MAD1L1: variants seen among roughly 807,000 people sequenced by gnomAD.
MAD1L1 encodes mitotic arrest deficient 1 like 1.
MAD1L1 carries 95 observed loss-of-function variants against 96.9 expected under a neutral mutation model. The observed-to-expected ratio is 0.98, with a 90% CI of 0.83 to 1.16. The LOEUF (loss-of-function observed/expected upper bound fraction) is 1.16. Among genes scored for constraint, MAD1L1 ranks in the 50% most tolerant of loss-of-function variants. The pLI, the probability that MAD1L1 is intolerant of heterozygous loss-of-function variation, is 0.00. For missense variants in MAD1L1, 1,007 were observed against 954.4 expected (o/e 1.06, Z -0.73); for synonymous variants, 473 against 396.6 (o/e 1.19, Z -2.29).
intron 16 of MAD1L1, among the ~76,000 whole-genome samples, chr7:1,942,869 T>C (rs1475410217): frequency 6.6e-6 from 1 of 152,168 alleles, no homozygotes; most frequent in Non-Finnish European, 1.5e-5. Context: ...CTCAGTCTCC[T>C]GATTTCAAAA....
chr7:2,162,832 A>G (rs1203886600), intron 10 of MAD1L1, among the ~76,000 whole-genome samples: 1 of 151,372 alleles, frequency 6.6e-6, no homozygotes. Context: ...CAAGCTGCAA[A>G]CTTTTTCTTC....
chr7:1,948,857 G>A (rs1306495394), intron 16 of MAD1L1, among the ~76,000 whole-genome samples: 1 of 152,126 alleles, frequency 6.6e-6, no homozygotes, highest in Non-Finnish European at 1.5e-5. Context: ...TGGTCCTGAT[G>A]GCACCCAGCA....
intron 16 of MAD1L1, among the ~76,000 whole-genome samples, chr7:1,943,238 G>T (rs1316467277): frequency 2.0e-5 from 3 of 152,170 alleles, no homozygotes; most frequent in African/African-American, 7.2e-5. Context: ...AAAGCACAAA[G>T]AACAAAAGAA....
At chr7:1,958,073 G>C (rs1006697041) in intron 15 of MAD1L1, among the ~76,000 whole-genome samples, 2 of 152,230 alleles carry the variant, frequency 1.3e-5, no homozygotes, top group African/African-American at 2.4e-5. Context: ...AGGGTGATGT[G>C]ATGGCGGAGT....
intron 15 of MAD1L1, among the ~76,000 whole-genome samples, chr7:1,963,292 C>T (rs1780024982): frequency 6.6e-6 from 1 of 152,174 alleles, no homozygotes; most frequent in Non-Finnish European, 1.5e-5. Context: ...TCTCCCCCAA[C>T]CAGCCATGCT....
intron 11 of MAD1L1, among the ~76,000 whole-genome samples, chr7:2,076,480 G>A (rs925923045): frequency 1.3e-5 from 2 of 152,222 alleles, no homozygotes; most frequent in Non-Finnish European, 2.9e-5. Context: ...TGTGAGAAAC[G>A]GACGTCTGTT....
At chr7:2,204,131 G>GT (rs1562368679) in intron 10 of MAD1L1, among the ~76,000 whole-genome samples, 1 of 152,172 alleles carries the variant, frequency 6.6e-6, no homozygotes, top group East Asian at 1.9e-4. Context: ...CTCCTGTGAC[G>GT]TAACAAAGAC....
chr7:2,218,854 G>T (rs548317716), intron 6 of MAD1L1, among the ~76,000 whole-genome samples: 2 of 151,812 alleles, frequency 1.3e-5, no homozygotes, highest in African/African-American at 4.8e-5. Flanking sequence ...AGCCGAGATG[G>T]TGCCACTGCA....
intron 11 of MAD1L1, among the ~76,000 whole-genome samples, chr7:2,069,699 C>T (rs575033354): frequency 3.5e-4 from 54 of 152,284 alleles, no homozygotes; most frequent in Middle Eastern, 6.8e-3. Context: ...CAGCGTGGTG[C>T]GGGGAAGCAA....
At chr7:2,044,003 G>A (rs557670867) in intron 12 of MAD1L1, among the ~76,000 whole-genome samples, 1 of 152,350 alleles carries the variant, frequency 6.6e-6, no homozygotes, top group Admixed American at 6.5e-5. Context: ...CGCAATGGAC[G>A]GCGGCAGCAA....
intron 18 of MAD1L1, among the ~76,000 whole-genome samples, chr7:1,895,356 AC>A (rs1476566241): frequency 6.6e-6 from 1 of 151,818 alleles, no homozygotes; most frequent in South Asian, 2.1e-4. Context: ...CCCAGCCAGC[AC>A]CCCCCTGGCA....
At chr7:2,111,866 T>C (rs1787400682) in intron 11 of MAD1L1, among the ~76,000 whole-genome samples, 1 of 152,200 alleles carries the variant, frequency 6.6e-6, no homozygotes, top group African/African-American at 2.4e-5. Context: ...GGCAATGTCT[T>C]CTGAAGTTAA....
intron 10 of MAD1L1, 125 bp from the exon 11 acceptor site, chr7:2,149,363 C>T: frequency 2.6e-6 from 2 of 762,460 alleles, no homozygotes; most frequent in Admixed American, 2.1e-5. Flanking sequence ...GATGTGTGAA[C>T]TCTGTGGACC....
chr7:2,216,963 C>A (rs533052526), intron 7 of MAD1L1, among the ~76,000 whole-genome samples: 22 of 152,284 alleles, frequency 1.4e-4, no homozygotes, highest in Non-Finnish European at 2.8e-4. Context: ...GACCTCCCAG[C>A]CCTCCGCGTA....
intron 12 of MAD1L1, among the ~76,000 whole-genome samples, chr7:2,050,468 T>G (rs974713276): frequency 2.2e-4 from 33 of 152,362 alleles, no homozygotes; most frequent in Non-Finnish European, 4.6e-4. Flanking sequence ...GGTGTCAGGC[T>G]GTGGCTTGAC....
At chr7:2,149,111 G>A (rs1253905934) in intron 11 of MAD1L1, 41 bp downstream of exon 11, 1 of 1,588,194 alleles carries the variant, frequency 6.3e-7, no homozygotes, top group South Asian at 1.1e-5. Flanking sequence ...ACTCTCCAAA[G>A]CAAACGCATC....
intron 10 of MAD1L1, among the ~76,000 whole-genome samples, chr7:2,193,771 T>C (rs932487677): frequency 6.6e-6 from 1 of 152,088 alleles, no homozygotes; most frequent in African/African-American, 2.4e-5. Context: ...GAGACGCCAG[T>C]CTCACCCTAG....
At chr7:1,898,438 G>A (rs1787032426) in intron 17 of MAD1L1, 48 bp from the exon 18 acceptor site, 7 of 1,570,226 alleles carry the variant, frequency 4.5e-6, no homozygotes, top group Admixed American at 1.7e-5. Flanking sequence ...CAGGCCGGAG[G>A]GGTGGGGACC....
At chr7:2,069,397 C>A (rs1785024049) in intron 11 of MAD1L1, 59 bp from the exon 12 acceptor site, 2 of 1,442,892 alleles carry the variant, frequency 1.4e-6, no homozygotes, top group Non-Finnish European at 1.8e-6. Context: ...CCCCACCAAG[C>A]CCCGCCCCAC....
Sources: allele counts gnomAD v4.1 joint callset (sites outside exome capture counted in the v4.1 genomes callset), GRCh38; gene constraint gnomAD v4.1.1; transcripts MANE v1.5; gene names NCBI Gene and HGNC (gene_info 2026-07-23, HGNC 2026-07-21).